The following HNRNPM variants were observed in gnomAD, a reference collection of about 807,000 sequenced individuals.
HNRNPM encodes the protein heterogeneous nuclear ribonucleoprotein M.
A neutral mutation model predicts 73.1 loss-of-function variants in HNRNPM; 11 were observed. That is an observed-to-expected ratio of 0.15 (90% CI 0.09 to 0.25). The LOEUF is 0.25. HNRNPM is among the 10% of genes least tolerant of loss of function. The pLI is 1.00. For synonymous variants in HNRNPM, 407 were observed against 355.2 expected (o/e 1.15, Z -1.64); for missense variants, 789 against 1,067.9 (o/e 0.74, Z 3.64).
intron 12 of HNRNPM, among the ~76,000 whole-genome samples, chr19:8,474,672 T>G (rs2145710646): frequency 6.6e-6 from 1 of 152,050 alleles, no homozygotes. Context: ...AGCATTTACA[T>G]AATGCAAATT....
intron 12 of HNRNPM, among the ~76,000 whole-genome samples, chr19:8,480,343 C>CAAA (rs112165621): frequency 1.6e-4 from 17 of 108,638 alleles, no homozygotes; most frequent in African/African-American, 3.4e-4. Context: ...GACTCCATCT[C>CAAA]AAAAAAAAAA....
intron 1 of HNRNPM, among the ~76,000 whole-genome samples, chr19:8,447,674 C>G (rs1968297891): frequency 6.6e-6 from 1 of 151,958 alleles, no homozygotes; most frequent in Non-Finnish European, 1.5e-5. Flanking sequence ...TATTTGAGCT[C>G]AGGAGTTCAA....
intron 9 of HNRNPM, 63 bp downstream of exon 9, chr19:8,468,897 T>A: frequency 7.7e-7 from 1 of 1,296,108 alleles, no homozygotes; most frequent in Non-Finnish European, 1.1e-6. Context: ...AACAGAAAAT[T>A]ACCATATGGT....
At position 8,485,904 on chromosome 19, in the gene HNRNPM, C is replaced by T. The variant is rs369498965; in HGVS notation, c.1476C>T (p.Phe492=). ...GVERMGAGMG[F]GLERMAAPID... is the part of the protein sequence containing the mutation. Reference sequence around the variant, plus strand: ...AGCGCATGGGTGCCGGCATGGGCTTCGGCCTTGAGCGCATGGCCGCTCCCA... The same window carrying T: ...AGCGCATGGGTGCCGGCATGGGCTTTGGCCTTGAGCGCATGGCCGCTCCCA... Residue 492 remains phenylalanine, a synonymous_variant, in exon 14 of 16, where the codon TTC becomes TTT. Transcript: ENST00000325495. The T allele has an allele frequency of 7.9e-5, 127 of 1,604,576 alleles. No individual in the cohort carries two copies. The highest frequency in any genetic ancestry group is 3.3e-4 in the South Asian group (30 of 91,026).
chr19:8,468,910 C>T, intron 9 of HNRNPM, 76 bp downstream of exon 9: 1 of 1,193,682 alleles, frequency 8.4e-7, no homozygotes, highest in South Asian at 1.2e-5. Flanking sequence ...CATATGGTTT[C>T]ACTTGAACCT....
chr19:8,454,017 C>A (rs1322799153), intron 1 of HNRNPM, among the ~76,000 whole-genome samples: 1 of 152,202 alleles, frequency 6.6e-6, no homozygotes. Flanking sequence ...TGCTCAGACC[C>A]AAGTTTCCCA....
At chr19:8,458,392 A>G (rs1969169090) in intron 2 of HNRNPM, among the ~76,000 whole-genome samples, 1 of 152,250 alleles carries the variant, frequency 6.6e-6, no homozygotes, top group African/African-American at 2.4e-5. Context: ...ACTGGGTGGA[A>G]AAAATAAAGA....
intron 12 of HNRNPM, among the ~76,000 whole-genome samples, chr19:8,474,934 C>T (rs564438932): frequency 5.9e-5 from 9 of 152,110 alleles, no homozygotes; most frequent in Non-Finnish European, 1.0e-4. Flanking sequence ...AGGCTGGCCT[C>T]GAACTCCTGA....
chr19:8,445,280 C>G (rs908268844), intron 1 of HNRNPM, 169 bp downstream of exon 1: 7 of 529,072 alleles, frequency 1.3e-5, no homozygotes, highest in Non-Finnish European at 1.8e-5. Context: ...AGCGGGGAGC[C>G]GGGGGAGCCT....
At chr19:8,488,474 T>TGCATTGAATCC (rs1478543547) in intron 15 of HNRNPM, 1 of 443,708 alleles carries the variant, frequency 2.3e-6, no homozygotes. Flanking sequence ...CGTAAAGGCG[T>TGCATTGAATCC]GCATTGAATC....
intron 1 of HNRNPM, 87 bp downstream of exon 1, chr19:8,445,198 C>G (rs1031751126): frequency 2.8e-5 from 33 of 1,183,230 alleles, no homozygotes; most frequent in Admixed American, 4.2e-5. Context: ...TGTTGGCGGC[C>G]TAGCCCCGGC....
At chr19:8,446,442 C>T (rs927129167) in intron 1 of HNRNPM, among the ~76,000 whole-genome samples, 8 of 152,196 alleles carry the variant, frequency 5.3e-5, no homozygotes, top group African/African-American at 1.7e-4. Context: ...CAGGGTCTCC[C>T]TCTGTTACCC....
At chr19:8,450,022 G>A (rs555646496) in intron 1 of HNRNPM, among the ~76,000 whole-genome samples, 20 of 152,278 alleles carry the variant, frequency 1.3e-4, no homozygotes, top group African/African-American at 3.4e-4. Flanking sequence ...TACAGGTTGC[G>A]CTGGTTTTGC....
chr19:8,456,173 G>A (rs949593600), intron 2 of HNRNPM, among the ~76,000 whole-genome samples: 15 of 152,090 alleles, frequency 9.9e-5, no homozygotes, highest in Admixed American at 8.5e-4. Flanking sequence ...TTTGTAACGC[G>A]GTGCCTTAGG....
chr19:8,445,530 G>C (rs1174268046), intron 1 of HNRNPM: 1 of 155,384 alleles, frequency 6.4e-6, no homozygotes, highest in African/African-American at 2.4e-5. Context: ...CCGTAACGTG[G>C]GGGGAGGAGA....
At chr19:8,484,684 T>C (rs145672342) in intron 13 of HNRNPM, among the ~76,000 whole-genome samples, 1 of 152,216 alleles carries the variant, frequency 6.6e-6, no homozygotes, top group Non-Finnish European at 1.5e-5. Flanking sequence ...CAGTTTCCTC[T>C]TGAATTGGTA....
At chr19:8,461,640 T>C (rs903885198) in intron 2 of HNRNPM, among the ~76,000 whole-genome samples, 1 of 152,160 alleles carries the variant, frequency 6.6e-6, no homozygotes, top group Non-Finnish European at 1.5e-5. Context: ...AATGCTTTGG[T>C]TTTTTCCCTT....
At position 8,463,698 on chromosome 19, in the gene HNRNPM, C is replaced by CT; in HGVS notation, c.438+14dup. ...TGAAAGTCAAAGAAGTAAGCTCTTG[C>CT]TTAACACTGCGGATACTGTGTGTAA... On this transcript the variant is annotated intron_variant, in intron 5 of 15. Transcript: ENST00000325495. 14 of 1,542,644 alleles carry CT rather than the reference C, an allele frequency of 9.1e-6. No homozygotes were observed. Among genetic ancestry groups the CT allele is most frequent in the Non-Finnish European group, 1.3e-5 (14 of 1,115,390 alleles).
chr19:8,470,306 G>A (rs534357037), intron 9 of HNRNPM, among the ~76,000 whole-genome samples: 2 of 152,132 alleles, frequency 1.3e-5, no homozygotes, highest in African/African-American at 4.8e-5. Context: ...AATGAACTTT[G>A]TTTGCTTTCT....
Sources: gnomAD v4.1 joint callset for allele counts (sites outside exome capture counted in the v4.1 genomes callset) on GRCh38, gnomAD v4.1.1 for gene constraint, MANE v1.5 for transcripts, NCBI Gene and HGNC (gene_info 2026-07-23, HGNC 2026-07-21) for gene names.